GRID1: variants seen among roughly 807,000 people sequenced by gnomAD.
GRID1 encodes the protein glutamate ionotropic receptor delta type subunit 1, also known as glutamate receptor ionotropic, delta-1.
GRID1 carries 28 observed loss-of-function variants against 98.0 expected under a neutral mutation model. The observed-to-expected ratio is 0.29, with a 90% CI of 0.21 to 0.39. The LOEUF is 0.39. Ranked by LOEUF, GRID1 falls within the 10% of genes least tolerant of loss-of-function variation. The pLI, the probability that GRID1 is intolerant of heterozygous loss-of-function variation, is 1.00. For synonymous variants in GRID1, 553 were observed against 538.5 expected, an observed-to-expected ratio of 1.03 and a Z score of -0.37; for missense variants, 1,111 against 1,340.5, an observed-to-expected ratio of 0.83 and a Z score of 2.67.
At chr10:86,359,645 A>G (rs920459236) in intron 2 of GRID1, among the ~76,000 whole-genome samples, 16 of 152,210 alleles carry the variant, frequency 1.1e-4, no homozygotes, top group Non-Finnish European at 2.4e-4. Flanking sequence ...ATCCTTCCAC[A>G]CTGCGACAGG....
chr10:86,364,183 C>A (rs749609675), intron 1 of GRID1, 87 bp from the exon 2 acceptor site: 2 of 1,105,416 alleles, frequency 1.8e-6, no homozygotes, highest in East Asian at 4.8e-5. Context: ...ACTCGCAGAC[C>A]GATGATTGCC....
chr10:86,161,130 T>A (rs1262923635), intron 3 of GRID1, among the ~76,000 whole-genome samples: 1 of 152,130 alleles, frequency 6.6e-6, no homozygotes, highest in Non-Finnish European at 1.5e-5. Flanking sequence ...GATGTGAAAT[T>A]CCCACACCCT....
At chr10:86,128,171 C>T (rs1421543639) in intron 4 of GRID1, among the ~76,000 whole-genome samples, 1 of 116,822 alleles carries the variant, frequency 8.6e-6, no homozygotes, top group Admixed American at 8.2e-5. Context: ...CCTCAGGTTT[C>T]CTCTGTGAGA....
At chr10:86,028,494 T>G (rs113080061) in intron 4 of GRID1, among the ~76,000 whole-genome samples, 4 of 152,348 alleles carry the variant, frequency 2.6e-5, no homozygotes, top group African/African-American at 9.6e-5. Flanking sequence ...ATCTGTTATC[T>G]GCCCTGGAAT....
intron 4 of GRID1, among the ~76,000 whole-genome samples, chr10:86,055,534 G>T (rs1056015112): frequency 6.6e-6 from 1 of 152,086 alleles, no homozygotes; most frequent in Non-Finnish European, 1.5e-5. Flanking sequence ...CTTGAGGTCA[G>T]GAGTTTGAGA....
intron 4 of GRID1, among the ~76,000 whole-genome samples, chr10:86,059,423 C>T (rs1293816631): frequency 6.6e-6 from 1 of 152,228 alleles, no homozygotes; most frequent in Non-Finnish European, 1.5e-5. Flanking sequence ...TTATGAAATC[C>T]TTAGATTTGC....
intron 2 of GRID1, among the ~76,000 whole-genome samples, chr10:86,290,663 TAAAATAA>T (rs1847499256): frequency 1.1e-4 from 1 of 8,940 alleles, no homozygotes; most frequent in African/African-American, 1.6e-4. Flanking sequence ...AAAAATAAAA[TAAAATAA>T]AATAAAATAA....
At chr10:86,256,897 T>C (rs992396192) in intron 2 of GRID1, among the ~76,000 whole-genome samples, 17 of 152,174 alleles carry the variant, frequency 1.1e-4, no homozygotes, top group Admixed American at 7.2e-4. Context: ...ACAGTAGCTG[T>C]GTTCCCCAGT....
intron 8 of GRID1, among the ~76,000 whole-genome samples, chr10:85,746,132 T>G (rs1188905478): frequency 6.6e-6 from 1 of 152,200 alleles, no homozygotes; most frequent in Non-Finnish European, 1.5e-5. Flanking sequence ...TCTCTTTGGA[T>G]TTAGGTATTC....
chr10:85,664,991 A>G (rs1252120715), intron 12 of GRID1, among the ~76,000 whole-genome samples: 2 of 152,322 alleles, frequency 1.3e-5, no homozygotes, highest in East Asian at 3.9e-4. Context: ...CACAGTATAT[A>G]TTCACACACA....
At chr10:86,129,202 G>A (rs1314649657) in intron 4 of GRID1, among the ~76,000 whole-genome samples, 2 of 152,206 alleles carry the variant, frequency 1.3e-5, no homozygotes, top group Non-Finnish European at 2.9e-5. Context: ...AGAGAGGACT[G>A]GGGGTTGTCC....
chr10:86,137,751 G>T (rs1420308766), intron 4 of GRID1, among the ~76,000 whole-genome samples: 1 of 152,114 alleles, frequency 6.6e-6, no homozygotes, highest in Non-Finnish European at 1.5e-5. Flanking sequence ...CGTGATTCGG[G>T]GCCTGATTAG....
Position 85,599,796 on chromosome 10 carries a change from A to AG in GRID1, c.*2476_*2477insC, listed in dbSNP as rs1842544529. On this transcript the variant is annotated 3_prime_UTR_variant, in exon 16 of 16. Transcript: ENST00000327946. ...CCAAGGGTAGAAAATTCTAAAAAAA[A>AG]AAAAAAATATATATATATATATATA... 1 of 51,606 alleles carries AG rather than the reference A, an allele frequency of 1.9e-5. No homozygotes were observed. The highest frequency in any genetic ancestry group is 3.7e-5 in the Non-Finnish European group (1 of 26,982). 3.2% of individuals were successfully genotyped at this position (51,606 alleles called of 1,614,324 possible).
chr10:86,196,488 G>GA (rs1325709231), intron 3 of GRID1, among the ~76,000 whole-genome samples: 1 of 152,006 alleles, frequency 6.6e-6, no homozygotes, highest in Non-Finnish European at 1.5e-5. Context: ...ACTAAAGTGG[G>GA]AAAACAAAGG....
intron 13 of GRID1, among the ~76,000 whole-genome samples, chr10:85,629,226 T>C (rs989582288): frequency 2.0e-5 from 3 of 152,222 alleles, no homozygotes; most frequent in African/African-American, 7.2e-5. Flanking sequence ...GAGTTCCTTT[T>C]CTTTGTTAGA....
intron 3 of GRID1, among the ~76,000 whole-genome samples, chr10:86,176,497 C>A (rs1003415124): frequency 6.6e-6 from 1 of 152,230 alleles, no homozygotes; most frequent in African/African-American, 2.4e-5. Context: ...CCTGTGCATG[C>A]GCTGAGAGCT....
intron 13 of GRID1, among the ~76,000 whole-genome samples, chr10:85,625,076 T>C (rs1842894905): frequency 6.6e-6 from 1 of 152,234 alleles, no homozygotes; most frequent in African/African-American, 2.4e-5. Flanking sequence ...TATTGATAGA[T>C]ACGGTATTAT....
At chr10:86,070,908 A>G (rs1843794535) in intron 4 of GRID1, among the ~76,000 whole-genome samples, 1 of 152,022 alleles carries the variant, frequency 6.6e-6, no homozygotes, top group Admixed American at 6.6e-5. Flanking sequence ...CTGCATGCAC[A>G]TCTCCCTCCC....
chr10:85,684,958 T>C (rs2132602161), intron 12 of GRID1, among the ~76,000 whole-genome samples: 1 of 152,346 alleles, frequency 6.6e-6, no homozygotes, highest in Non-Finnish European at 1.5e-5. Context: ...TCTCAATTAC[T>C]TCCTAAAGAC....
Sources: allele counts gnomAD v4.1 joint callset (sites outside exome capture counted in the v4.1 genomes callset), GRCh38; gene constraint gnomAD v4.1.1; transcripts MANE v1.5; gene names NCBI Gene and HGNC (gene_info 2026-07-23, HGNC 2026-07-21).